CCDC68: variants seen among roughly 807,000 people sequenced by gnomAD.
The protein encoded by CCDC68 is coiled-coil domain-containing protein 68.
CCDC68 carries 45 observed loss-of-function variants against 47.1 expected under a neutral mutation model. That is an observed-to-expected ratio of 0.96 (90% confidence interval 0.75 to 1.23). CCDC68 has a LOEUF of 1.23. Ranked by LOEUF, CCDC68 falls within the 50% of genes most tolerant of loss-of-function variation. The probability of loss-of-function intolerance (pLI) is 0.00; values close to 1 mark genes in which losing one functional copy is unlikely to be tolerated. For synonymous variants in CCDC68, 131 were observed against 129.5 expected (o/e 1.01, Z -0.08); for missense variants, 353 against 373.6 (o/e 0.94, Z 0.45).
chr18:54,949,962 C>A (rs573698162), intron 1 of CCDC68, among the ~76,000 whole-genome samples: 1 of 152,276 alleles, frequency 6.6e-6, no homozygotes, highest in East Asian at 1.9e-4. Context: ...GTGGCTACGT[C>A]AGGAGGATCC....
At chr18:54,933,898 T>G (rs2044303686) in intron 7 of CCDC68, among the ~76,000 whole-genome samples, 1 of 152,244 alleles carries the variant, frequency 6.6e-6, no homozygotes, top group African/African-American at 2.4e-5. Flanking sequence ...GGAAACATTT[T>G]TAAACAAATC....
intron 1 of CCDC68, among the ~76,000 whole-genome samples, chr18:54,950,490 T>G (rs1459817656): frequency 5.9e-5 from 9 of 152,266 alleles, no homozygotes; most frequent in African/African-American, 2.2e-4. Context: ...ACGAAAGACA[T>G]GCATGTTACG....
At chr18:54,922,480 C>A (rs1020569275) in intron 8 of CCDC68, among the ~76,000 whole-genome samples, 2 of 152,174 alleles carry the variant, frequency 1.3e-5, no homozygotes, top group East Asian at 1.9e-4. Context: ...AGAATTGCTG[C>A]GAACATGCAG....
chr18:54,906,182 A>C (rs372264579), intron 11 of CCDC68, among the ~76,000 whole-genome samples: 8 of 152,028 alleles, frequency 5.3e-5, no homozygotes, highest in Non-Finnish European at 1.2e-4. Flanking sequence ...ATGAAACTGG[A>C]CCCTGGTTCC....
intron 6 of CCDC68, among the ~76,000 whole-genome samples, chr18:54,935,169 T>C (rs748494767): frequency 1.3e-5 from 2 of 152,214 alleles, no homozygotes; most frequent in Non-Finnish European, 2.9e-5. Flanking sequence ...TCCTAGAATG[T>C]TTCCATTTGT....
intron 7 of CCDC68, among the ~76,000 whole-genome samples, chr18:54,934,001 CAAATT>C (rs960347369): frequency 6.6e-6 from 1 of 152,002 alleles, no homozygotes; most frequent in Non-Finnish European, 1.5e-5. Flanking sequence ...ACTCATAAAA[CAAATT>C]AAAGCTAAAA....
chr18:54,936,219 T>C (rs929583626), intron 6 of CCDC68, among the ~76,000 whole-genome samples: 7 of 130,098 alleles, frequency 5.4e-5, no homozygotes, highest in Non-Finnish European at 8.1e-5. Context: ...GATAAATATA[T>C]ATCTATATAT....
intron 1 of CCDC68, among the ~76,000 whole-genome samples, chr18:54,949,452 A>G (rs2044578617): frequency 6.6e-6 from 1 of 152,208 alleles, no homozygotes; most frequent in Non-Finnish European, 1.5e-5. Context: ...CAGGTCTAGC[A>G]GTGGCTATTA....
chr18:54,932,797 T>C (rs868017035), intron 7 of CCDC68, among the ~76,000 whole-genome samples: 2 of 152,242 alleles, frequency 1.3e-5, no homozygotes, highest in East Asian at 1.9e-4. Context: ...TGCCTTTGAC[T>C]GGGCTTTCAG....
intron 11 of CCDC68, 61 bp downstream of exon 11, chr18:54,907,725 G>A (rs1196566030): frequency 2.2e-6 from 2 of 904,446 alleles, no homozygotes; most frequent in Admixed American, 1.9e-5. Context: ...TGAGTGGGTT[G>A]AATGTCTAAC....
At chr18:54,921,049 G>A (rs540396350) in intron 8 of CCDC68, among the ~76,000 whole-genome samples, 7 of 152,306 alleles carry the variant, frequency 4.6e-5, no homozygotes, top group Admixed American at 2.6e-4. Context: ...TTGCAGCAAC[G>A]TGGATGCAAC....
At chr18:54,937,184 C>G (rs1720380190) in intron 5 of CCDC68, 1 of 505,128 alleles carries the variant, frequency 2.0e-6, no homozygotes, top group African/African-American at 1.9e-5. Flanking sequence ...CATAGTCAAA[C>G]CAAACCAGAG....
intron 7 of CCDC68, among the ~76,000 whole-genome samples, chr18:54,933,800 A>G (rs1320328504): frequency 6.6e-6 from 1 of 152,250 alleles, no homozygotes; most frequent in Non-Finnish European, 1.5e-5. Context: ...GATAATGGGC[A>G]TATTTAATTT....
chr18:54,933,920 G>T (rs2044303922), intron 7 of CCDC68, among the ~76,000 whole-genome samples: 2 of 151,986 alleles, frequency 1.3e-5, no homozygotes, highest in Non-Finnish European at 2.9e-5. Flanking sequence ...AGTTTCCTTT[G>T]GTAAGAAACC....
At chr18:54,941,766 G>A (rs2044441887) in intron 3 of CCDC68, among the ~76,000 whole-genome samples, 5 of 152,056 alleles carry the variant, frequency 3.3e-5, no homozygotes, top group Admixed American at 3.3e-4. Context: ...TAGGAGCCAG[G>A]TTTATACTCT....
intron 8 of CCDC68, among the ~76,000 whole-genome samples, chr18:54,926,532 C>T (rs544732030): frequency 8.4e-4 from 128 of 152,256 alleles, no homozygotes; most frequent in Non-Finnish European, 1.5e-3. Context: ...CTCATCTTTT[C>T]GGGTGGGGAC....
chr18:54,945,645 T>C (rs1267324455), intron 1 of CCDC68, among the ~76,000 whole-genome samples, 168 bp from the exon 2 acceptor site: 1 of 152,210 alleles, frequency 6.6e-6, no homozygotes, highest in African/African-American at 2.4e-5. Flanking sequence ...TTCAATGAAA[T>C]TGACAGAGGA....
intron 10 of CCDC68, among the ~76,000 whole-genome samples, chr18:54,908,992 G>A (rs1914180243): frequency 6.6e-6 from 1 of 152,144 alleles, no homozygotes; most frequent in Non-Finnish European, 1.5e-5. Context: ...TTGTAGGTGT[G>A]AGCAACCGCA....
chr18:54,941,162 T>C, intron 3 of CCDC68, 79 bp from the exon 4 acceptor site: 1 of 869,382 alleles, frequency 1.2e-6, no homozygotes, highest in Non-Finnish European at 1.9e-6. Context: ...AGTTACAGGG[T>C]ACCTGATTAT....
Sources: allele counts gnomAD v4.1 joint callset (sites outside exome capture counted in the v4.1 genomes callset), GRCh38; gene constraint gnomAD v4.1.1; transcripts MANE v1.5; gene names NCBI Gene and HGNC (gene_info 2026-07-23, HGNC 2026-07-21).